HOOK1: variants seen among roughly 807,000 people sequenced by gnomAD.
HOOK1 encodes the protein protein Hook homolog 1.
In HOOK1, 60 loss-of-function variants were observed where a neutral mutation model predicts 112.8. The observed-to-expected ratio is 0.53, with a 90% CI of 0.43 to 0.66. The LOEUF is 0.66. Ranked by LOEUF, HOOK1 falls within the 30% of genes least tolerant of loss-of-function variation. HOOK1 has a pLI of 0.00. For synonymous variants in HOOK1, 294 were observed against 283.8 expected (o/e 1.04, Z -0.36); for missense variants, 770 against 856.0 (o/e 0.90, Z 1.25).
chr1:59,845,475 G>T (rs1023100323), intron 9 of HOOK1, among the ~76,000 whole-genome samples: 1 of 151,826 alleles, frequency 6.6e-6, no homozygotes, highest in Non-Finnish European at 1.5e-5. Flanking sequence ...GTGCAATTAG[G>T]ATCCGTCAAG....
intron 10 of HOOK1, among the ~76,000 whole-genome samples, chr1:59,848,097 G>C (rs529203420): frequency 7.4e-4 from 113 of 151,728 alleles, no homozygotes; most frequent in African/African-American, 2.6e-3. Context: ...TTTTTATTTT[G>C]ATGGCTTTAT....
chr1:59,857,060 G>A (rs919235509), intron 12 of HOOK1, among the ~76,000 whole-genome samples: 2 of 152,154 alleles, frequency 1.3e-5, no homozygotes, highest in Non-Finnish European at 2.9e-5. Context: ...TTCAGTACCT[G>A]TGGTGGCAAA....
intron 1 of HOOK1, among the ~76,000 whole-genome samples, chr1:59,816,805 G>A (rs2098381887): frequency 1.3e-5 from 2 of 152,222 alleles, no homozygotes; most frequent in South Asian, 2.1e-4. Context: ...GTTTTCTTCA[G>A]TCCTCTCTTG....
At chr1:59,826,617 A>G (rs1361602250) in intron 2 of HOOK1, among the ~76,000 whole-genome samples, 1 of 152,240 alleles carries the variant, frequency 6.6e-6, no homozygotes, top group Non-Finnish European at 1.5e-5. Flanking sequence ...AGGTAATTAT[A>G]GCATAGAATC....
At chr1:59,855,734 T>A (rs2098410099) in intron 12 of HOOK1, among the ~76,000 whole-genome samples, 1 of 151,384 alleles carries the variant, frequency 6.6e-6, no homozygotes, top group African/African-American at 2.4e-5. Context: ...AGCTCTCTGA[T>A]ACTCCTCTGC....
chr1:59,827,159 C>G (rs1253337462), intron 2 of HOOK1, among the ~76,000 whole-genome samples: 1 of 152,150 alleles, frequency 6.6e-6, no homozygotes, highest in Non-Finnish European at 1.5e-5. Context: ...ACTCAAAGGG[C>G]AGCTAGAGTT....
At chr1:59,816,966 A>G (rs1400227009) in intron 1 of HOOK1, among the ~76,000 whole-genome samples, 1 of 152,176 alleles carries the variant, frequency 6.6e-6, no homozygotes, top group Admixed American at 6.5e-5. Context: ...GCAAACCTTT[A>G]TCAGTATTCT....
At chr1:59,841,282 C>G (rs748918705) in intron 8 of HOOK1, among the ~76,000 whole-genome samples, 5 of 152,012 alleles carry the variant, frequency 3.3e-5, no homozygotes, top group Non-Finnish European at 7.4e-5. Flanking sequence ...GAATAATGAG[C>G]TAAATTTGTA....
chr1:59,836,260 T>C (rs1574189840), intron 6 of HOOK1, among the ~76,000 whole-genome samples: 2 of 152,254 alleles, frequency 1.3e-5, no homozygotes, highest in East Asian at 1.9e-4. Flanking sequence ...TGATTCTTAA[T>C]ATCAGCCTAA....
At chr1:59,825,871 T>C (rs1177235483) in intron 2 of HOOK1, among the ~76,000 whole-genome samples, 1 of 152,214 alleles carries the variant, frequency 6.6e-6, no homozygotes, top group African/African-American at 2.4e-5. Flanking sequence ...GTGTACAGTA[T>C]AGATAGATGT....
chr1:59,825,899 T>C (rs778664679), intron 2 of HOOK1, among the ~76,000 whole-genome samples: 7 of 152,180 alleles, frequency 4.6e-5, no homozygotes, highest in Non-Finnish European at 1.0e-4. Flanking sequence ...AGTATGGACA[T>C]CCATCTATGG....
chr1:59,845,752 T>C (rs985895670), intron 9 of HOOK1, among the ~76,000 whole-genome samples: 1 of 151,926 alleles, frequency 6.6e-6, no homozygotes, highest in African/African-American at 2.4e-5. Flanking sequence ...ATCCTGTATA[T>C]GTGACTAGAT....
intron 2 of HOOK1, among the ~76,000 whole-genome samples, chr1:59,823,873 G>GTCAA (rs1438691643): frequency 6.6e-6 from 1 of 152,134 alleles, no homozygotes; most frequent in Non-Finnish European, 1.5e-5. Context: ...CAATAAAATA[G>GTCAA]TCAATCAGAA....
At chr1:59,832,962 A>G (rs2098395074) in intron 4 of HOOK1, among the ~76,000 whole-genome samples, 1 of 152,066 alleles carries the variant, frequency 6.6e-6, no homozygotes, top group Non-Finnish European at 1.5e-5. Context: ...TAAGACCAGG[A>G]AAAAAAATTA....
Position 59,862,796 on chromosome 1 carries a change from G to A in HOOK1, c.1545G>A (p.Glu515=), listed in dbSNP as rs2098414315. 1 of 1,609,292 alleles carries A rather than the reference G, an allele frequency of 6.2e-7. No individual in the cohort carries two copies. The highest frequency in any genetic ancestry group is 1.1e-5 in the South Asian group (1 of 90,930). ...CATCTTACAATAGGCTGAGCAAAGA[G>A]CGTATTAGAGAATTGCAGCAGCAGA... is the stretch of plus-strand genomic sequence containing the variant. ...ELETEQRLSK[E]RIRELQQQIE... Residue 515 remains glutamate, a synonymous_variant, in exon 16 of 22, where the codon GAG becomes GAA. Transcript: ENST00000371208.
At chr1:59,848,982 A>G (rs915923843) in intron 11 of HOOK1, 91 bp from the exon 12 acceptor site, 55 of 607,652 alleles carry the variant, frequency 9.1e-5, no homozygotes. Flanking sequence ...ATTCATAATC[A>G]GTTTTTCATT....
chr1:59,819,558 ACTT>A (rs1442455109), intron 1 of HOOK1, among the ~76,000 whole-genome samples: 1 of 152,172 alleles, frequency 6.6e-6, no homozygotes, highest in Non-Finnish European at 1.5e-5. Flanking sequence ...TATTTTAAGA[ACTT>A]CTCAGAGACA....
intron 1 of HOOK1, among the ~76,000 whole-genome samples, chr1:59,819,514 A>G (rs372325436): frequency 3.9e-5 from 6 of 152,224 alleles, no homozygotes; most frequent in African/African-American, 1.4e-4. Context: ...GAGTGAAATC[A>G]AATTACATTC....
chr1:59,818,696 C>T (rs1256316943), intron 1 of HOOK1, among the ~76,000 whole-genome samples: 3 of 152,144 alleles, frequency 2.0e-5, no homozygotes, highest in Non-Finnish European at 4.4e-5. Context: ...CATTCTTTGA[C>T]AGGCAGATGA....
Sources: allele counts gnomAD v4.1 joint callset (sites outside exome capture counted in the v4.1 genomes callset), GRCh38; gene constraint gnomAD v4.1.1; transcripts MANE v1.5; gene names NCBI Gene and HGNC (gene_info 2026-07-23, HGNC 2026-07-21).